The following LTBP1 variants were observed in gnomAD, a reference collection of about 807,000 sequenced individuals.
LTBP1 encodes the protein latent transforming growth factor beta binding protein 1.
LTBP1 carries 129 observed loss-of-function variants against 207.6 expected under a neutral mutation model. The ratio of observed to expected loss-of-function variants is 0.62; its 90% CI spans 0.54 to 0.72. LTBP1 has a LOEUF of 0.72. Ranked by LOEUF, LTBP1 falls within the 30% of genes least tolerant of loss-of-function variation. LTBP1 has a pLI of 0.00. For missense variants in LTBP1, 2,281 were observed against 2,217.2 expected (o/e 1.03, Z -0.58); for synonymous variants, 963 against 833.7 (o/e 1.16, Z -2.67).
intron 2 of LTBP1, among the ~76,000 whole-genome samples, chr2:32,976,939 G>A (rs548706428): frequency 1.3e-5 from 2 of 152,348 alleles, no homozygotes; most frequent in African/African-American, 2.4e-5. Context: ...GGAATATGGG[G>A]TTGTGCCTGC....
chr2:33,369,419 G>A (rs1438631282), intron 31 of LTBP1, among the ~76,000 whole-genome samples: 1 of 152,074 alleles, frequency 6.6e-6, no homozygotes, highest in Non-Finnish European at 1.5e-5. Context: ...AAAGATGCTG[G>A]GTGGGCTGGT....
chr2:33,341,567 C>T (rs1449543552), intron 24 of LTBP1, among the ~76,000 whole-genome samples: 4 of 151,354 alleles, frequency 2.6e-5, no homozygotes, highest in Non-Finnish European at 5.9e-5. Context: ...AAAAATTAGC[C>T]AGGCGTGGTG....
At chr2:33,036,430 G>T (rs2075923080) in intron 3 of LTBP1, among the ~76,000 whole-genome samples, 1 of 151,606 alleles carries the variant, frequency 6.6e-6, no homozygotes, top group African/African-American at 2.4e-5. Context: ...TTAGTGTTTT[G>T]CTGTTACAAC....
chr2:33,081,135 C>T (rs976036820), intron 3 of LTBP1, among the ~76,000 whole-genome samples: 2 of 151,756 alleles, frequency 1.3e-5, no homozygotes, highest in African/African-American at 4.8e-5. Context: ...TTAGCAAAGC[C>T]CCTTTGTTCA....
chr2:33,084,868 A>G (rs1234753782), intron 3 of LTBP1, among the ~76,000 whole-genome samples: 2 of 152,218 alleles, frequency 1.3e-5, no homozygotes, highest in Non-Finnish European at 2.9e-5. Flanking sequence ...TGTGAGAAAC[A>G]GCTGGATGTT....
At chr2:33,385,902 C>T (rs2095261702) in intron 31 of LTBP1, among the ~76,000 whole-genome samples, 1 of 152,100 alleles carries the variant, frequency 6.6e-6, no homozygotes. Flanking sequence ...TGTCTTGGAG[C>T]TTGGAATGTG....
At chr2:33,065,052 G>A (rs1379002265) in intron 3 of LTBP1, among the ~76,000 whole-genome samples, 1 of 152,080 alleles carries the variant, frequency 6.6e-6, no homozygotes, top group Non-Finnish European at 1.5e-5. Context: ...TTGTAGAAAC[G>A]GGGTCTAAAA....
intron 2 of LTBP1, among the ~76,000 whole-genome samples, chr2:32,989,456 A>G (rs948115739): frequency 1.3e-5 from 2 of 152,196 alleles, no homozygotes; most frequent in Non-Finnish European, 2.9e-5. Flanking sequence ...GGTAACTTGG[A>G]AGGGTGAGTT....
At chr2:33,108,913 A>G (rs909561028) in intron 3 of LTBP1, among the ~76,000 whole-genome samples, 1 of 152,224 alleles carries the variant, frequency 6.6e-6, no homozygotes, top group African/African-American at 2.4e-5. Flanking sequence ...TCATCAAAAC[A>G]AAAGTGTTCA....
At chr2:33,161,901 A>G (rs1196239164) in intron 5 of LTBP1, among the ~76,000 whole-genome samples, 1 of 152,198 alleles carries the variant, frequency 6.6e-6, no homozygotes, top group Non-Finnish European at 1.5e-5. Context: ...TTAACTCTGT[A>G]TTTATCCCCC....
rs767377445 is a variant in LTBP1 at position 33,300,435 on chromosome 2, G to A, written c.3236-16G>A. On this transcript the variant is annotated splice_polypyrimidine_tract_variant and intron_variant, in intron 20 of 33. Coordinates refer to ENST00000404816, the MANE Select transcript of LTBP1 (RefSeq NM_206943.4). Reference sequence around the variant, plus strand: ...TAGTCTCTTTTTCAGAAAAATTGCCGTTGTTGTGTTTGCAGATATTGATGA... The same window carrying A: ...TAGTCTCTTTTTCAGAAAAATTGCCATTGTTGTGTTTGCAGATATTGATGA... 3.5e-5 allele frequency: 57 copies of A among 1,610,332 alleles called. No homozygotes were observed. Among genetic ancestry groups the A allele is most frequent in the African/African-American group, 2.8e-4 (21 of 74,772 alleles).
chr2:33,278,883 C>A (rs1271168234), intron 18 of LTBP1, among the ~76,000 whole-genome samples: 1 of 152,156 alleles, frequency 6.6e-6, no homozygotes, highest in Non-Finnish European at 1.5e-5. Flanking sequence ...AAAAAAATTA[C>A]AACACTGACC....
chr2:33,320,267 G>A (rs561442699), intron 24 of LTBP1, among the ~76,000 whole-genome samples: 1 of 152,156 alleles, frequency 6.6e-6, no homozygotes, highest in South Asian at 2.1e-4. Flanking sequence ...TACTCAGGAA[G>A]CTGATGCACG....
intron 2 of LTBP1, among the ~76,000 whole-genome samples, chr2:32,984,048 A>C (rs1224373471): frequency 6.6e-6 from 1 of 152,208 alleles, no homozygotes; most frequent in Non-Finnish European, 1.5e-5. Flanking sequence ...GATTATGAAG[A>C]TGACACTGTA....
chr2:33,095,485 A>G (rs1343713002), intron 3 of LTBP1, among the ~76,000 whole-genome samples: 1 of 152,186 alleles, frequency 6.6e-6, no homozygotes, highest in East Asian at 1.9e-4. Flanking sequence ...CTGGGCAACA[A>G]AATAATTAAC....
chr2:33,383,125 G>A (rs1209161691), intron 31 of LTBP1, among the ~76,000 whole-genome samples: 2 of 152,232 alleles, frequency 1.3e-5, no homozygotes, highest in African/African-American at 4.8e-5. Context: ...GGAGGCCGAG[G>A]CAGGCAGATC....
At chr2:33,128,115 A>G (rs1039379874) in intron 4 of LTBP1, among the ~76,000 whole-genome samples, 4 of 152,210 alleles carry the variant, frequency 2.6e-5, no homozygotes, top group African/African-American at 7.2e-5. Flanking sequence ...TAAGCCATCA[A>G]ATGTGTTCCT....
At chr2:33,132,024 G>T (rs1215208190) in intron 4 of LTBP1, among the ~76,000 whole-genome samples, 1 of 152,226 alleles carries the variant, frequency 6.6e-6, no homozygotes, top group African/African-American at 2.4e-5. Context: ...GTGAGCATCT[G>T]TGTGGCAGCT....
At chr2:33,212,636 A>G (rs149630373) in intron 7 of LTBP1, among the ~76,000 whole-genome samples, 1 of 152,298 alleles carries the variant, frequency 6.6e-6, no homozygotes, top group African/African-American at 2.4e-5. Flanking sequence ...TTCCACTGTT[A>G]AGGAGCATTA....
Sources: gnomAD v4.1 joint callset for allele counts (sites outside exome capture counted in the v4.1 genomes callset) on GRCh38, gnomAD v4.1.1 for gene constraint, MANE v1.5 for transcripts, NCBI Gene and HGNC (gene_info 2026-07-23, HGNC 2026-07-21) for gene names.